TTC6: variants seen among roughly 807,000 people sequenced by gnomAD.
TTC6 encodes tetratricopeptide repeat domain 6, also known as tetratricopeptide repeat protein 6.
In TTC6, 172 loss-of-function variants were observed where a neutral mutation model predicts 210.4. The ratio of observed to expected loss-of-function variants is 0.82; its 90% CI spans 0.72 to 0.93. The LOEUF (loss-of-function observed/expected upper bound fraction) is 0.93, where lower values mean the gene tolerates loss of function less well. Among genes scored for constraint, TTC6 ranks in the 40% least tolerant of loss-of-function variants. The pLI, the probability that TTC6 is intolerant of heterozygous loss-of-function variation, is 0.00. For synonymous variants in TTC6, 804 were observed against 819.6 expected, an observed-to-expected ratio of 0.98 and a Z score of 0.32; for missense variants, 2,414 against 2,318.1, an observed-to-expected ratio of 1.04 and a Z score of -0.85.
chr14:37,639,128 G>A (rs1196943742), intron 1 of TTC6, among the ~76,000 whole-genome samples: 5 of 152,160 alleles, frequency 3.3e-5, no homozygotes, highest in African/African-American at 9.7e-5. Flanking sequence ...ATTCTTTTAA[G>A]GAGCTGCATA....
At chr14:37,793,160 A>G (rs2096084415) in intron 17 of TTC6, among the ~76,000 whole-genome samples, 1 of 152,136 alleles carries the variant, frequency 6.6e-6, no homozygotes. Context: ...TTGCCAAAAC[A>G]TGTCAGATTA....
chr14:37,738,193 TAAA>T (rs1419976021), intron 9 of TTC6, among the ~76,000 whole-genome samples: 3 of 149,556 alleles, frequency 2.0e-5, no homozygotes, highest in Non-Finnish European at 4.5e-5. Flanking sequence ...AATGTTATAA[TAAA>T]TAATATTATT....
intron 29 of TTC6, among the ~76,000 whole-genome samples, chr14:37,839,961 T>C (rs915467294): frequency 2.0e-5 from 3 of 152,212 alleles, no homozygotes; most frequent in South Asian, 2.1e-4. Context: ...TGATTGTACA[T>C]GTGTGGTGTT....
chr14:37,829,767 G>A (rs572352616), intron 29 of TTC6, among the ~76,000 whole-genome samples: 199 of 152,178 alleles, frequency 1.3e-3, no homozygotes, highest in Middle Eastern at 6.8e-3. Context: ...CAAGGCAAGT[G>A]CTGACACTTG....
intron 7 of TTC6, among the ~76,000 whole-genome samples, chr14:37,725,327 T>C (rs1314652545): frequency 2.2e-5 from 2 of 90,596 alleles, no homozygotes; most frequent in East Asian, 2.7e-4. Flanking sequence ...TATATATATA[T>C]ATATATATAT....
At chr14:37,829,986 C>T (rs1327564771) in intron 29 of TTC6, among the ~76,000 whole-genome samples, 1 of 152,112 alleles carries the variant, frequency 6.6e-6, no homozygotes, top group Non-Finnish European at 1.5e-5. Context: ...CCAAACTCCC[C>T]TTCCCCACAA....
At chr14:37,705,000 T>G (rs2138701732) in intron 5 of TTC6, among the ~76,000 whole-genome samples, 1 of 152,298 alleles carries the variant, frequency 6.6e-6, no homozygotes, top group East Asian at 1.9e-4. Flanking sequence ...TATGGATTTC[T>G]GTTCCATTTC....
intron 4 of TTC6, among the ~76,000 whole-genome samples, chr14:37,699,106 CA>C (rs1025392383): frequency 6.6e-6 from 1 of 151,992 alleles, no homozygotes; most frequent in Non-Finnish European, 1.5e-5. Flanking sequence ...GAGCAACTTA[CA>C]AAAAGAGACA....
intron 1 of TTC6, among the ~76,000 whole-genome samples, chr14:37,661,779 G>A (rs1383731979): frequency 6.6e-6 from 1 of 152,052 alleles, no homozygotes; most frequent in African/African-American, 2.4e-5. Flanking sequence ...CCATTTTCAC[G>A]ATATTGATTC....
exon 31 of TTC6, chr14:37,842,209 G>A (rs151288389): frequency 9.3e-5 from 150 of 1,608,746 alleles, no homozygotes; most frequent in African/African-American, 3.3e-4. Flanking sequence ...GCAAAAGTTC[G>A]TGGTAAAATA....
At chr14:37,682,442 CTA>C (rs2095785952) in intron 2 of TTC6, among the ~76,000 whole-genome samples, 1 of 151,658 alleles carries the variant, frequency 6.6e-6, no homozygotes, top group Admixed American at 6.6e-5. Context: ...ATTTCTTGGT[CTA>C]GCTATACCTT....
intron 1 of TTC6, among the ~76,000 whole-genome samples, chr14:37,649,964 A>G (rs2095708255): frequency 6.6e-6 from 1 of 152,226 alleles, no homozygotes; most frequent in African/African-American, 2.4e-5. Flanking sequence ...CGTAACTGCT[A>G]TCCTTAACAA....
intron 26 of TTC6, 59 bp downstream of exon 28, chr14:37,817,710 T>G (rs2096145536): frequency 6.7e-7 from 1 of 1,492,804 alleles, no homozygotes; most frequent in East Asian, 2.3e-5. Context: ...CTTATCTAAT[T>G]ATCACCCCAT....
chr14:37,793,752 C>T (rs1396798376), intron 17 of TTC6, among the ~76,000 whole-genome samples: 1 of 152,184 alleles, frequency 6.6e-6, no homozygotes, highest in Non-Finnish European at 1.5e-5. Context: ...AAAGGCTGTT[C>T]TGAGAGACGA....
chr14:37,754,212 A>G (rs2095960828), intron 14 of TTC6, among the ~76,000 whole-genome samples: 1 of 151,932 alleles, frequency 6.6e-6, no homozygotes, highest in Non-Finnish European at 1.5e-5. Flanking sequence ...TGCATTAGGA[A>G]TTTGTCCTGA....
Position 37,622,366 on chromosome 14 carries a change from C to A in TTC6, c.302C>A (p.Ser101Ter). 4 of 1,530,924 alleles carry A rather than the reference C, an allele frequency of 2.6e-6. No individual in the cohort carries two copies. Among genetic ancestry groups the A allele is most frequent in the Non-Finnish European group, 3.5e-6 (4 of 1,143,966 alleles). The allele number at this position is 1,530,924 out of a possible 1,614,324, so 94.8% of individuals were successfully genotyped here. ...GTGCTCGGAGGCGCGCCGCGTCCCT[C>A]GGGCCTGGGTGAGGCGGCGGCTCCA... The change falls in exon 1 of 31, where the codon TCG becomes TAG. Residue 101 changes from serine to a stop codon, truncating the protein, a stop_gained. Transcript: ENST00000553443. LOFTEE classifies it high-confidence loss of function.
At chr14:37,830,764 AT>A (rs1201280586) in intron 29 of TTC6, among the ~76,000 whole-genome samples, 18 of 151,344 alleles carry the variant, frequency 1.2e-4, no homozygotes, top group Non-Finnish European at 2.1e-4. Flanking sequence ...TTTTAAATGA[AT>A]TTTTTTCAAA....
At chr14:37,616,043 T>C (rs542391245) in intron 2 of TTC6, among the ~76,000 whole-genome samples, 1 of 152,350 alleles carries the variant, frequency 6.6e-6, no homozygotes, top group South Asian at 2.1e-4. Flanking sequence ...TTAGCAGGCA[T>C]TTCACCAGTC....
At chr14:37,725,298 A>ATGTGTGTG (rs61712288) in intron 7 of TTC6, among the ~76,000 whole-genome samples, 2 of 64,212 alleles carry the variant, frequency 3.1e-5, no homozygotes, top group South Asian at 5.3e-4. Context: ...ATATGTATGT[A>ATGTGTGTG]TGTGTGTGTG....
Sources: allele counts gnomAD v4.1 joint callset (sites outside exome capture counted in the v4.1 genomes callset), GRCh38; gene constraint gnomAD v4.1.1; transcripts MANE v1.5; gene names NCBI Gene and HGNC (gene_info 2026-07-23, HGNC 2026-07-21).